Variants in KRT86 observed in about 807,000 individuals in gnomAD.
KRT86 encodes keratin, type II cuticular Hb6.
A neutral mutation model predicts 41.2 loss-of-function variants in KRT86; 30 were observed. The ratio of observed to expected loss-of-function variants is 0.73; its 90% CI spans 0.54 to 0.99. The LOEUF is 0.99. KRT86 is among the 50% of genes least tolerant of loss of function. KRT86 has a pLI of 0.00. For missense variants in KRT86, 561 were observed against 571.4 expected (o/e 0.98, Z 0.19); for synonymous variants, 238 against 238.1 (o/e 1.00, Z 0.00).
rs569097503 is a variant in KRT86 at position 52,284,231 on chromosome 12, G to A, written c.-5+8285G>A. 1.9e-3 allele frequency among the ~76,000 whole-genome samples: 289 copies of A among 152,162 alleles called. 2 individuals are homozygous for A. The highest frequency in any genetic ancestry group is 6.4e-3 in the African/African-American group (267 of 41,494). The stretch of plus-strand genomic sequence containing the variant: ...TTTTGAAACAGGGTCTTGCTGTGTC[G>A]CCCACGCTGGAGGCAGTGGCACAAA... On this transcript the variant is annotated intron_variant, in intron 2 of 10. Coordinates refer to ENST00000423955, the MANE Select transcript of KRT86 (RefSeq NM_001320198.2).
chr12:52,302,841 T>TGGGGG (rs71092757), intron 3 of KRT86, among the ~76,000 whole-genome samples: 12 of 127,236 alleles, frequency 9.4e-5, no homozygotes, highest in Admixed American at 3.3e-4. Flanking sequence ...GGGTGGGGGG[T>TGGGGG]GGGGGGGGGG....
chr12:52,298,586 G>T (rs1271560339), intron 2 of KRT86, among the ~76,000 whole-genome samples: 2 of 152,122 alleles, frequency 1.3e-5, no homozygotes, highest in African/African-American at 2.4e-5. Flanking sequence ...GATTTACATG[G>T]ATTAACTCTT....
At chr12:52,285,961 G>T (rs921490495) in intron 2 of KRT86, 1 of 485,290 alleles carries the variant, frequency 2.1e-6, no homozygotes, top group African/African-American at 1.9e-5. Flanking sequence ...GAGGAGGAAG[G>T]GGAGAGGCAG....
intron 9 of KRT86, among the ~76,000 whole-genome samples, chr12:52,307,909 C>T (rs912862961): frequency 1.3e-5 from 2 of 152,250 alleles, no homozygotes; most frequent in Non-Finnish European, 2.9e-5. Flanking sequence ...GAGCCAGGCA[C>T]TAAGCACTGG....
chr12:52,286,467 C>T (rs964291575), intron 2 of KRT86: 25 of 1,552,424 alleles, frequency 1.6e-5, no homozygotes, highest in East Asian at 2.4e-5. Context: ...TCCCCGCACA[C>T]GACCCCGCCC....
At chr12:52,291,422 A>T (rs1938119325) in intron 2 of KRT86, 1 of 1,612,178 alleles carries the variant, frequency 6.2e-7, no homozygotes, top group African/African-American at 1.3e-5. Flanking sequence ...GCAGGCCGAG[A>T]TGCAGCTGAA....
Position 52,308,248 on chromosome 12 carries a change from C to T in KRT86, c.1263C>T (p.Val421=), listed in dbSNP as rs1473902571. Reference sequence around the variant, plus strand: ...CTCCCTGCAGGCTGTGCGAGGGCGTCGGCTCGGTGAATGTCTGTAAGTAGT... The same window carrying T: ...CTCCCTGCAGGCTGTGCGAGGGCGTTGGCTCGGTGAATGTCTGTAAGTAGT... ...EGEEQRLCEG[V]GSVNVCVSSS... Residue 421 remains valine, a synonymous_variant, in exon 10 of 11, where the codon GTC becomes GTT. Transcript: ENST00000423955. 1.9e-6 allele frequency: 3 copies of T among 1,614,090 alleles called. No homozygotes were observed. The African/African-American group carries it at 4.0e-5, about 22-fold the overall frequency.
chr12:52,291,491 G>C, intron 2 of KRT86: 1 of 1,612,048 alleles, frequency 6.2e-7, no homozygotes. Context: ...TTGGGTTGCA[G>C]AGGACAGGAT....
intron 2 of KRT86, among the ~76,000 whole-genome samples, chr12:52,296,663 G>GC (rs56205802): frequency 0.52 from 79,670 of 151,974 alleles, 21,483 homozygotes; most frequent in African/African-American, 0.63. Flanking sequence ...TCTGACTTGG[G>GC]CTCTCCCCAA....
chr12:52,279,041 G>C (rs78718461), intron 2 of KRT86: 6,196 of 152,432 alleles, frequency 0.041, 172 homozygotes, highest in African/African-American at 0.077. Flanking sequence ...GGCTTGGGGT[G>C]GGGGGAGGAA....
chr12:52,285,359 ATT>A (rs1470033750), intron 2 of KRT86, among the ~76,000 whole-genome samples: 1 of 47,970 alleles, frequency 2.1e-5, no homozygotes, highest in African/African-American at 8.6e-5. Context: ...GAGTGATGCC[ATT>A]TAAAAAAAAA....
chr12:52,306,120 G>C lies in KRT86; in HGVS notation c.1087G>C (p.Asp363His). The C allele has an allele frequency of 6.2e-7, 1 of 1,614,036 alleles. No homozygotes were observed. Among genetic ancestry groups the C allele is most frequent in the Non-Finnish European group, 8.5e-7 (1 of 1,180,048 alleles). The change falls in exon 9 of 11, where the codon GAT (aspartate) becomes CAT (histidine). Residue 363 changes from aspartate to histidine, a missense_variant. Physicochemically the swap from Asp to His is moderately conservative, Grantham distance 81 (BLOSUM62 -1). This residue lies in a region of KRT86 where 397 missense variants were observed against 375.9 expected (regional missense o/e 1.06). Transcript: ENST00000423955. ...SEQQGEAALS[D>H]ARCKLAELEG... ...GCAGCAGGGTGAGGCGGCCCTCAGC[G>C]ATGCCCGCTGCAAGTTGGCCGAGCT... is the stretch of plus-strand genomic sequence containing the variant.
In KRT86 at chr12:52,284,597, CA is replaced by C. The variant is rs1268372733; in HGVS notation, c.-5+8652del. Among the ~76,000 whole-genome samples, 4 of 152,350 alleles carry C rather than the reference CA, an allele frequency of 2.6e-5. No homozygotes were observed. The East Asian group carries it at 5.8e-4, about 22-fold the overall frequency. ...GATTGTGTCCCTCTCAGAATTCCAT[CA>C]GGGGTGGCTGAGAGACCTTGGTTTG... On this transcript the variant is annotated intron_variant, in intron 2 of 10. Transcript: ENST00000423955.
intron 2 of KRT86, chr12:52,286,505 G>A (rs766055986): frequency 7.1e-6 from 11 of 1,551,414 alleles, no homozygotes; most frequent in South Asian, 2.4e-5. Flanking sequence ...TGTGAACCCC[G>A]AAGGCTGAGT....
intron 2 of KRT86, among the ~76,000 whole-genome samples, chr12:52,292,633 T>C (rs1309205765): frequency 6.6e-6 from 1 of 152,162 alleles, no homozygotes; most frequent in Non-Finnish European, 1.5e-5. Flanking sequence ...GCCTACCTTA[T>C]TAGACAGTGC....
Position 52,283,134 on chromosome 12 carries a change from G to A in KRT86, c.-5+7188G>A, listed in dbSNP as rs139210912. On this transcript the variant is annotated intron_variant, in intron 2 of 10. Coordinates refer to ENST00000423955, the MANE Select transcript of KRT86 (RefSeq NM_001320198.2). ...GAGTTGACTGGGTGCGGTGGCTCAT[G>A]CCTGTAATCCCAGCACTTTGGGAGG... is the stretch of plus-strand genomic sequence containing the variant. Among the ~76,000 whole-genome samples, 27 of 152,260 alleles carry A rather than the reference G, an allele frequency of 1.8e-4. No homozygotes were observed. In the East Asian group the frequency reaches 5.2e-3, roughly 29 times the overall value.
Position 52,302,001 on chromosome 12 carries a change from G to A in KRT86, c.85G>A (p.Ala29Thr), listed in dbSNP as rs1306249089. 3.1e-5 allele frequency: 50 copies of A among 1,612,382 alleles called. No individual in the cohort carries two copies. The highest frequency in any genetic ancestry group is 4.1e-5 in the Non-Finnish European group (48 of 1,179,278). ...CCGGCCCGGCCGCTGCTGCATCACCGCCGCCCCCTACCGTGGCATCTCCTG... is the reference window on the plus strand; with the variant it reads ...CCGGCCCGGCCGCTGCTGCATCACCACCGCCCCCTACCGTGGCATCTCCTG... ...GPRPGRCCIT[A>T]APYRGISCYR... is the part of the protein sequence containing the mutation. Residue 29 changes from alanine (A) to threonine (T), a missense_variant, in exon 3 of 11, where the codon GCC (alanine) becomes ACC (threonine). This residue lies in a region of KRT86 where 164 missense variants were observed against 172.5 expected (regional missense o/e 0.95). Coordinates refer to ENST00000423955, the MANE Select transcript of KRT86 (RefSeq NM_001320198.2).
chr12:52,297,194 A>G (rs1352523852), intron 2 of KRT86, among the ~76,000 whole-genome samples: 1 of 152,166 alleles, frequency 6.6e-6, no homozygotes, highest in Non-Finnish European at 1.5e-5. Flanking sequence ...TGCCTTTCCC[A>G]TCAGACTAGC....
chr12:52,286,861 C>T (rs370632532), intron 2 of KRT86: 1 of 1,611,584 alleles, frequency 6.2e-7, no homozygotes, highest in East Asian at 2.2e-5. Context: ...TAGTGACTGC[C>T]CCAGAGTGGC....
Sources: allele counts gnomAD v4.1 joint callset (sites outside exome capture counted in the v4.1 genomes callset), GRCh38; gene constraint gnomAD v4.1.1; regional missense constraint gnomAD v4.1.1; transcripts MANE v1.5; gene names NCBI Gene and HGNC (gene_info 2026-07-23, HGNC 2026-07-21).